Variants in ZNF254 observed in about 807,000 individuals in gnomAD.
ZNF254 encodes the protein CTD-2017D11.1.
ZNF254 carries 10 observed loss-of-function variants against 12.4 expected under a neutral mutation model. The observed-to-expected ratio is 0.80, with a 90% confidence interval of 0.50 to 1.36. ZNF254 has a LOEUF of 1.36. Among genes scored for constraint, ZNF254 ranks in the 40% most tolerant of loss-of-function variants. The pLI, the probability that ZNF254 is intolerant of heterozygous loss-of-function variation, is 0.00. For missense variants in ZNF254, 996 were observed against 763.9 expected, an observed-to-expected ratio of 1.30 and a Z score of -3.58; for synonymous variants, 305 against 253.4, an observed-to-expected ratio of 1.20 and a Z score of -1.93.
chr19:24,109,326 GCA>G (rs1973522951), intron 3 of ZNF254, among the ~76,000 whole-genome samples: 1 of 152,110 alleles, frequency 6.6e-6, no homozygotes, highest in African/African-American at 2.4e-5. Flanking sequence ...TTCCTTGAAT[GCA>G]CAGTTACAGT....
intron 3 of ZNF254, among the ~76,000 whole-genome samples, chr19:24,125,651 TTTAA>T (rs1974783848): frequency 6.6e-6 from 1 of 152,222 alleles, no homozygotes; most frequent in South Asian, 2.1e-4. Context: ...ATTTTTATTA[TTTAA>T]TTAGGAGAGA....
At chr19:24,114,722 A>G (rs1240484119) in intron 3 of ZNF254, among the ~76,000 whole-genome samples, 1 of 143,726 alleles carries the variant, frequency 7.0e-6, no homozygotes, top group Non-Finnish European at 1.5e-5. Flanking sequence ...GAAAGAAACT[A>G]CCATCAGAGT....
At chr19:24,063,001 A>G (rs1310799969) in intron 2 of ZNF254, among the ~76,000 whole-genome samples, 2 of 150,288 alleles carry the variant, frequency 1.3e-5, no homozygotes, top group Non-Finnish European at 3.0e-5. Context: ...GGGTTTCACC[A>G]TGTTGGTCAG....
intron 1 of ZNF254, chr19:24,091,831 A>G (rs1417006359): frequency 1.0e-6 from 1 of 981,974 alleles, no homozygotes; most frequent in Non-Finnish European, 1.2e-6. Flanking sequence ...TTAATGCTAA[A>G]TTTTATGTGA....
rs398034320 is a variant in ZNF254, at chr19:24,048,003, C to CTTTTTTTTTTTTTTTT, written c.-94+1732_-94+1747dup. ...CACCCGGCTCTTTTTTTCTTTTCTT[C>CTTTTTTTTTTTTTTTT]TTTTTTTTTTTTTTTTTTTTTTTGC... On this transcript the variant is annotated intron_variant, in intron 2 of 4. Transcript: ENST00000613065. 3.6e-3 allele frequency among the ~76,000 whole-genome samples: 248 copies of CTTTTTTTTTTTTTTTT among 68,808 alleles called. 15 individuals are homozygous for CTTTTTTTTTTTTTTTT. The highest frequency in any genetic ancestry group is 4.5e-3 in the Non-Finnish European group (181 of 39,902). 45.1% of individuals were successfully genotyped at this position (68,808 alleles called of 152,430 possible).
intron 1 of ZNF254, among the ~76,000 whole-genome samples, chr19:24,089,131 C>A (rs952040429): frequency 1.3e-5 from 2 of 151,988 alleles, no homozygotes; most frequent in African/African-American, 4.8e-5. Context: ...CATGTGCCAC[C>A]ATGCCTGGCT....
chr19:24,105,902 C>T (rs1356257146), intron 1 of ZNF254, 38 bp from the exon 2 acceptor site: 18 of 1,565,360 alleles, frequency 1.1e-5, no homozygotes, highest in East Asian at 2.3e-5. Flanking sequence ...CTGCCGATAG[C>T]CACTTTGTAA....
intron 1 of ZNF254, among the ~76,000 whole-genome samples, chr19:24,041,770 T>C (rs527884301): frequency 2.6e-4 from 39 of 152,376 alleles, no homozygotes; most frequent in African/African-American, 8.2e-4. Context: ...TGAAGCCAGC[T>C]GGGCTCCTGA....
chr19:24,047,840 G>A (rs1970458455), intron 2 of ZNF254, among the ~76,000 whole-genome samples: 4 of 149,834 alleles, frequency 2.7e-5, no homozygotes, highest in South Asian at 2.1e-4. Context: ...GACATGTGCC[G>A]CCACGCCCAG....
At chr19:24,091,932 T>G in intron 1 of ZNF254, 1 of 637,636 alleles carries the variant, frequency 1.6e-6, no homozygotes, top group Non-Finnish European at 1.9e-6. Flanking sequence ...CAAGCTGGAG[T>G]GCAGAGGCGC....
chr19:24,121,772 G>A (rs957026865), intron 3 of ZNF254, among the ~76,000 whole-genome samples: 2 of 151,988 alleles, frequency 1.3e-5, no homozygotes, highest in African/African-American at 4.8e-5. Flanking sequence ...GGCCGGGCTG[G>A]TCTTGAACTC....
chr19:24,128,085 G>A lies in ZNF254; in HGVS notation c.*105G>A, dbSNP rs924860024. On this transcript the variant is annotated 3_prime_UTR_variant, in exon 4 of 4. Transcript: ENST00000357002. ...GAGAGAGGCGCTAATGCTTTTGACA[G>A]TACCTAAAACTTTAAAGAAAATCAT... The A allele has an allele frequency of 1.2e-5, 14 of 1,181,934 alleles. No homozygotes were observed. The African/African-American group carries it at 2.0e-4, about 17-fold the overall frequency. The allele number at this position is 1,181,934 out of a possible 1,614,324, so 73.2% of individuals were successfully genotyped here. A position where few individuals can be genotyped will look rare whatever the true frequency, so the allele number is the denominator to read the frequency against.
At position 24,065,633 on chromosome 19, in the gene ZNF254, T is replaced by A. The variant is rs571475190; in HGVS notation, c.-94+19354T>A. 8 of 152,348 alleles carry A rather than the reference T, an allele frequency of 5.3e-5. No individual in the cohort carries two copies. In the South Asian group the frequency reaches 1.7e-3, roughly 32 times the overall value. The allele number at this position is 152,348 out of a possible 1,614,324, so 9.4% of individuals were successfully genotyped here. ...ACCCGAGTGATTTGATTTTGCTGCCTGGTCTCAGTCCAAATGTAAGATTGT... is the reference window on the plus strand; with the variant it reads ...ACCCGAGTGATTTGATTTTGCTGCCAGGTCTCAGTCCAAATGTAAGATTGT... On this transcript the variant is annotated intron_variant, in intron 2 of 4. Coordinates refer to the ZNF254 transcript ENST00000613065.
intron 3 of ZNF254, among the ~76,000 whole-genome samples, chr19:24,125,685 G>A (rs10412649): frequency 0.15 from 22,641 of 152,072 alleles, 2,823 homozygotes; most frequent in African/African-American, 0.34. Context: ...AATTTGTAGC[G>A]TCATCACTTG....
At chr19:24,103,988 G>A (rs1973183730) in intron 1 of ZNF254, 1 of 152,380 alleles carries the variant, frequency 6.6e-6, no homozygotes, top group East Asian at 1.9e-4. Context: ...GCCTCCCAAA[G>A]TGTTGGGATC....
Position 24,117,493 on chromosome 19 carries a change from C to T in ZNF254, c.254-8761C>T, listed in dbSNP as rs185848105. The stretch of plus-strand genomic sequence containing the variant: ...GAGACTCTGTGGGCGTAGGACCCTC[C>T]GAGCCAGGTGCAGGATATAATCTGC... On this transcript the variant is annotated intron_variant, in intron 3 of 3. Transcript: ENST00000357002. Among the ~76,000 whole-genome samples, 463 of 152,276 alleles carry T rather than the reference C, an allele frequency of 3.0e-3. 3 individuals carry two copies. The highest frequency in any genetic ancestry group is 0.011 in the African/African-American group (441 of 41,566).
chr19:24,069,768 T>C (rs1419444155), intron 2 of ZNF254, among the ~76,000 whole-genome samples: 1 of 151,562 alleles, frequency 6.6e-6, no homozygotes, highest in Non-Finnish European at 1.5e-5. Flanking sequence ...CTGACTAACA[T>C]GGTAAAACCC....
chr19:24,054,561 TTG>T (rs1461742771), intron 2 of ZNF254, among the ~76,000 whole-genome samples: 1 of 152,174 alleles, frequency 6.6e-6, no homozygotes, highest in Non-Finnish European at 1.5e-5. Flanking sequence ...AAAGGTGAGA[TTG>T]TTTCTTATAT....
intron 2 of ZNF254, among the ~76,000 whole-genome samples, chr19:24,047,984 GC>G (rs1320599836): frequency 7.8e-6 from 1 of 127,576 alleles, no homozygotes; most frequent in Non-Finnish European, 1.7e-5. Flanking sequence ...ACTGCACCCG[GC>G]TCTTTTTTTC....
Sources: gnomAD v4.1 joint callset for allele counts (sites outside exome capture counted in the v4.1 genomes callset) on GRCh38, gnomAD v4.1.1 for gene constraint, MANE v1.5 for transcripts, NCBI Gene and HGNC (gene_info 2026-07-23, HGNC 2026-07-21) for gene names.